SEMA6D: variants seen among roughly 807,000 people sequenced by gnomAD.
The protein encoded by SEMA6D is semaphorin-6D.
SEMA6D carries 35 observed loss-of-function variants against 106.6 expected under a neutral mutation model. That is an observed-to-expected ratio of 0.33 (90% CI 0.25 to 0.44). The LOEUF (loss-of-function observed/expected upper bound fraction) is 0.44, where lower values mean the gene tolerates loss of function less well. Ranked by LOEUF, SEMA6D falls within the 20% of genes least tolerant of loss-of-function variation. The pLI is 1.00. For missense variants in SEMA6D, 1,185 were observed against 1,345.9 expected (o/e 0.88, Z 1.87); for synonymous variants, 499 against 487.7 (o/e 1.02, Z -0.31).
intron 2 of SEMA6D, among the ~76,000 whole-genome samples, chr15:47,417,220 C>T (rs1207666557): frequency 5.9e-5 from 9 of 151,848 alleles, no homozygotes; most frequent in Non-Finnish European, 1.2e-4. Context: ...ATTCCAGAAA[C>T]ATTTTAAAAG....
intron 2 of SEMA6D, among the ~76,000 whole-genome samples, chr15:47,466,736 T>C (rs932965833): frequency 3.3e-5 from 5 of 151,734 alleles, no homozygotes; most frequent in Non-Finnish European, 5.9e-5. Flanking sequence ...GGTTTTTTTT[T>C]TTTTTGGAAA....
At chr15:47,553,017 G>C (rs1202164153) in intron 3 of SEMA6D, among the ~76,000 whole-genome samples, 1 of 146,962 alleles carries the variant, frequency 6.8e-6, no homozygotes, top group Admixed American at 7.1e-5. Flanking sequence ...CGATTCTCCT[G>C]CCTCAGCCTC....
chr15:47,486,358 A>G (rs17314853), intron 3 of SEMA6D, among the ~76,000 whole-genome samples: 291 of 152,354 alleles, frequency 1.9e-3, no homozygotes, highest in Non-Finnish European at 3.1e-3. Flanking sequence ...TGAACTTTTG[A>G]TGTTGATTCC....
At position 47,689,647 on chromosome 15, in the gene SEMA6D, G is replaced by A. The variant is rs543798500; in HGVS notation, c.-54-70098G>A. Among the ~76,000 whole-genome samples the A allele has an allele frequency of 3.1e-3, 478 of 152,294 alleles. 3 individuals carry two copies. Among genetic ancestry groups the A allele is most frequent in the Non-Finnish European group, 4.5e-3 (304 of 68,022 alleles). ...AACAAAGAGCCCCAGACAACCTAAA[G>A]GCTCTAACAAGGAGAGAGACTGGTC... On this transcript the variant is annotated intron_variant, in intron 4 of 19. Coordinates refer to the SEMA6D transcript ENST00000558014.
intron 3 of SEMA6D, among the ~76,000 whole-genome samples, chr15:47,557,555 C>G (rs1478582834): frequency 6.6e-6 from 1 of 152,152 alleles, no homozygotes; most frequent in African/African-American, 2.4e-5. Flanking sequence ...GGGAAATCAG[C>G]CTGAATTCCA....
At chr15:47,330,900 C>G (rs935030399) in intron 1 of SEMA6D, among the ~76,000 whole-genome samples, 5 of 152,242 alleles carry the variant, frequency 3.3e-5, no homozygotes, top group African/African-American at 1.2e-4. Context: ...AGGTAATGTT[C>G]ATCAAGAATG....
chr15:47,613,853 G>T (rs2076958183), intron 4 of SEMA6D, among the ~76,000 whole-genome samples: 2 of 151,920 alleles, frequency 1.3e-5, no homozygotes, highest in African/African-American at 4.8e-5. Flanking sequence ...TAGAGATGGG[G>T]TTTCACCGTG....
intron 1 of SEMA6D, among the ~76,000 whole-genome samples, chr15:47,228,704 T>A (rs2031983971): frequency 6.6e-6 from 1 of 151,948 alleles, no homozygotes. Flanking sequence ...GGAGTTTTTT[T>A]AAGGGGACTT....
chr15:47,428,025 A>C (rs984992007), intron 2 of SEMA6D, among the ~76,000 whole-genome samples: 44 of 152,292 alleles, frequency 2.9e-4, no homozygotes, highest in African/African-American at 1.1e-3. Flanking sequence ...ATAGCTCACC[A>C]GAAAATGTGC....
At chr15:47,741,088 A>T (rs1873655922) in intron 1 of SEMA6D, among the ~76,000 whole-genome samples, 1 of 152,118 alleles carries the variant, frequency 6.6e-6, no homozygotes, top group African/African-American at 2.4e-5. Context: ...AAGCTAAAAA[A>T]CTCTGACAGT....
chr15:47,617,682 G>A (rs953505553), intron 4 of SEMA6D, among the ~76,000 whole-genome samples: 1 of 152,140 alleles, frequency 6.6e-6, no homozygotes, highest in African/African-American at 2.4e-5. Flanking sequence ...TCCTGTGTTT[G>A]GTTTAGACTG....
intron 4 of SEMA6D, among the ~76,000 whole-genome samples, chr15:47,660,255 AG>A (rs2077890687): frequency 6.6e-6 from 1 of 152,122 alleles, no homozygotes; most frequent in Non-Finnish European, 1.5e-5. Flanking sequence ...ACTTCTTGGA[AG>A]GGACCGTAAG....
chr15:47,737,384 A>G (rs1177994682), intron 1 of SEMA6D, among the ~76,000 whole-genome samples: 1 of 152,192 alleles, frequency 6.6e-6, no homozygotes, highest in Non-Finnish European at 1.5e-5. Flanking sequence ...TTTTTTAGTG[A>G]AGCATCTTCC....
At chr15:47,321,994 A>T (rs2036941118) in intron 1 of SEMA6D, among the ~76,000 whole-genome samples, 1 of 152,192 alleles carries the variant, frequency 6.6e-6, no homozygotes, top group South Asian at 2.1e-4. Context: ...GTTGATATTT[A>T]GGGTAAGTCT....
chr15:47,628,553 A>G (rs1464830350), intron 4 of SEMA6D, among the ~76,000 whole-genome samples: 4 of 151,972 alleles, frequency 2.6e-5, no homozygotes, highest in African/African-American at 9.7e-5. Flanking sequence ...TTCTAACTAT[A>G]TATCCTCTTC....
intron 2 of SEMA6D, among the ~76,000 whole-genome samples, chr15:47,425,893 C>G (rs281228): frequency 7.9e-5 from 12 of 151,770 alleles, no homozygotes; most frequent in African/African-American, 2.9e-4. Context: ...AGTCTCCCTT[C>G]TAATTTTCCA....
intron 1 of SEMA6D, among the ~76,000 whole-genome samples, chr15:47,283,030 G>A (rs142875742): frequency 1.3e-3 from 201 of 152,158 alleles, no homozygotes; most frequent in Middle Eastern, 3.4e-3. Flanking sequence ...CTTAACAGGG[G>A]CTAGCATTTC....
At chr15:47,422,656 T>C (rs1355849772) in intron 2 of SEMA6D, among the ~76,000 whole-genome samples, 1 of 152,106 alleles carries the variant, frequency 6.6e-6, no homozygotes, top group African/African-American at 2.4e-5. Context: ...TTTGTAATCT[T>C]ACTTCAGTAA....
chr15:47,686,083 TCCAGGTGGAAAAAAATGGATGATGCATTC>T (rs2078462092), intron 4 of SEMA6D, among the ~76,000 whole-genome samples: 1 of 152,082 alleles, frequency 6.6e-6, no homozygotes, highest in Admixed American at 6.6e-5. Flanking sequence ...TCAGCTACTA[TCCAGGTGGAAAAAAATGGATGATGCATTC>T]CTGTGCAGTG....
Sources: gnomAD v4.1 joint callset for allele counts (sites outside exome capture counted in the v4.1 genomes callset) on GRCh38, gnomAD v4.1.1 for gene constraint, MANE v1.5 for transcripts, NCBI Gene and HGNC (gene_info 2026-07-23, HGNC 2026-07-21) for gene names.